The following DNAJB4 variants were observed in gnomAD, a reference collection of about 807,000 sequenced individuals.
The protein encoded by DNAJB4 is DnaJ heat shock protein family (Hsp40) member B4.
A neutral mutation model predicts 26.6 loss-of-function variants in DNAJB4; 10 were observed. The observed-to-expected ratio is 0.38, with a 90% CI of 0.23 to 0.64. The LOEUF (loss-of-function observed/expected upper bound fraction) is 0.64, where lower values mean the gene tolerates loss of function less well. Among genes scored for constraint, DNAJB4 ranks in the 30% least tolerant of loss-of-function variants. The pLI, the probability that DNAJB4 is intolerant of heterozygous loss-of-function variation, is 0.58. For missense variants in DNAJB4, 328 were observed against 408.2 expected (o/e 0.80, Z 1.69); for synonymous variants, 136 against 134.8 (o/e 1.01, Z -0.06).
rs72506830 is a variant in DNAJB4 at position 78,005,365 on chromosome 1, C to CT, written c.211+56dup. The CT allele has an allele frequency of 8.4e-3, 9,845 of 1,168,400 alleles. 9 individuals carry two copies. The highest frequency in any genetic ancestry group is 0.012 in the Admixed American group (267 of 23,174). 72.4% of individuals were successfully genotyped at this position (1,168,400 alleles called of 1,614,324 possible). A position where few individuals can be genotyped will look rare whatever the true frequency, so the allele number is the denominator to read the frequency against. On this transcript the variant is annotated intron_variant, in intron 1 of 2. Coordinates refer to ENST00000370763, the MANE Select transcript of DNAJB4 (RefSeq NM_007034.5). Reference sequence around the variant, plus strand: ...TCTTTCTGTCTCTTCAGCTCTGTCTCTTTTTTTTTTTTCTCTCTCTCTGCC... The same window carrying CT: ...TCTTTCTGTCTCTTCAGCTCTGTCTCTTTTTTTTTTTTTCTCTCTCTCTGCC...
At chr1:77,979,507 C>T (rs1046113107), upstream of DNAJB4, 9 of 154,754 alleles carry the variant, frequency 5.8e-5, no homozygotes, top group Admixed American at 2.0e-4. Flanking sequence ...GCAACAGTGT[C>T]TCGAGAGCGC....
At chr1:78,009,117 A>G (rs938999693) in intron 1 of DNAJB4, among the ~76,000 whole-genome samples, 19 of 151,968 alleles carry the variant, frequency 1.3e-4, no homozygotes, top group Non-Finnish European at 2.4e-4. Context: ...ATTTTTTTTA[A>G]TTCACTGTGT....
At chr1:78,012,353 G>A (rs1377707833) in intron 1 of DNAJB4, among the ~76,000 whole-genome samples, 3 of 151,014 alleles carry the variant, frequency 2.0e-5, no homozygotes, top group East Asian at 2.0e-4. Context: ...TAGTGGAGGC[G>A]GGGTTTCACT....
At chr1:78,013,695 C>T (rs973970756) in intron 2 of DNAJB4, 76 bp downstream of exon 2, 112 of 1,177,224 alleles carry the variant, frequency 9.5e-5, no homozygotes, top group Non-Finnish European at 1.3e-4. Context: ...TAGATAATAG[C>T]TAACATTTAT....
intron 1 of DNAJB4, among the ~76,000 whole-genome samples, chr1:77,989,927 C>G (rs895494932): frequency 6.6e-6 from 1 of 152,208 alleles, no homozygotes; most frequent in South Asian, 2.1e-4. Flanking sequence ...TGGTGGATAT[C>G]TCCTTATAGG....
chr1:78,015,504 CCT>C (rs778962738), intron 2 of DNAJB4, among the ~76,000 whole-genome samples: 12 of 128,890 alleles, frequency 9.3e-5, no homozygotes, highest in Admixed American at 2.4e-4. Flanking sequence ...AAGGAATTTT[CCT>C]TTTTTTCTTT....
chr1:78,004,377 T>C (rs147976723), upstream of DNAJB4: 12 of 152,368 alleles, frequency 7.9e-5, no homozygotes, highest in African/African-American at 2.9e-4. Context: ...CATTTGAATT[T>C]TATTATAGAT....
chr1:78,000,033 T>C (rs907256176), upstream of DNAJB4, among the ~76,000 whole-genome samples: 5 of 152,174 alleles, frequency 3.3e-5, no homozygotes, highest in Non-Finnish European at 7.4e-5. Context: ...GAATGCTACC[T>C]ATGGGAAGTT....
At chr1:77,990,019 A>C (rs1659894515) in intron 1 of DNAJB4, among the ~76,000 whole-genome samples, 2 of 152,170 alleles carry the variant, frequency 1.3e-5, no homozygotes, top group Non-Finnish European at 2.9e-5. Context: ...ATCACTGGCA[A>C]AGGAAATACT....
intron 1 of DNAJB4, among the ~76,000 whole-genome samples, chr1:78,011,672 C>CG (rs374887502): frequency 0.01 from 1,576 of 151,570 alleles, 26 homozygotes; most frequent in African/African-American, 0.037. Context: ...ATAGTAGAGA[C>CG]GGGGTTTCAC....
intron 1 of DNAJB4, among the ~76,000 whole-genome samples, chr1:77,987,204 C>T (rs760704467): frequency 6.6e-6 from 1 of 152,180 alleles, no homozygotes; most frequent in Non-Finnish European, 1.5e-5. Context: ...TGCCCTTTTA[C>T]CCTATCTATG....
At chr1:77,984,523 A>C (rs536759133) in intron 1 of DNAJB4, among the ~76,000 whole-genome samples, 1 of 152,290 alleles carries the variant, frequency 6.6e-6, no homozygotes, top group South Asian at 2.1e-4. Flanking sequence ...CTACCCTTTT[A>C]CACAAAACAT....
intron 1 of DNAJB4, among the ~76,000 whole-genome samples, chr1:77,990,770 A>T (rs1028120714): frequency 6.6e-6 from 1 of 152,220 alleles, no homozygotes; most frequent in Non-Finnish European, 1.5e-5. Context: ...TGGGCAAATT[A>T]TACAGATGCT....
Position 77,984,440 on chromosome 1 carries a change from A to ATTTC in DNAJB4, c.-32+4138_-32+4141dup, listed in dbSNP as rs374349155. On this transcript the variant is annotated intron_variant, in intron 1 of 2. Transcript: ENST00000426517. ...CTGAATCATGTTTTGGGGAATCTAT[A>ATTTC]TTTCTTTCTTTCTTTCTTTCTTTTT... Among the ~76,000 whole-genome samples, 817 of 152,134 alleles carry ATTTC rather than the reference A, an allele frequency of 5.4e-3. 7 individuals are homozygous for ATTTC. Among genetic ancestry groups the ATTTC allele is most frequent in the African/African-American group, 0.017 (685 of 41,506 alleles).
intron 1 of DNAJB4, among the ~76,000 whole-genome samples, chr1:77,997,337 AT>A (rs1446549904): frequency 8.1e-5 from 12 of 147,766 alleles, no homozygotes; most frequent in African/African-American, 2.8e-4. Context: ...AAAAAAATCT[AT>A]ATCTATATCT....
Position 78,010,204 on chromosome 1 carries a change from A to G in DNAJB4, c.212-2847A>G, listed in dbSNP as rs566716983. Among the ~76,000 whole-genome samples, 5 of 152,266 alleles carry G rather than the reference A, an allele frequency of 3.3e-5. No individual in the cohort carries two copies. In the South Asian group the frequency reaches 8.3e-4, roughly 25 times the overall value. The stretch of plus-strand genomic sequence containing the variant: ...TCATGAATTCATTATGGGTGCAAGT[A>G]TTTAAATTTTGTCTTATAAGAGGCT... On this transcript the variant is annotated intron_variant, in intron 1 of 2. Coordinates refer to ENST00000370763, the MANE Select transcript of DNAJB4 (RefSeq NM_007034.5).
At chr1:78,004,861 C>T (rs1257150730), upstream of DNAJB4, 4 of 480,440 alleles carry the variant, frequency 8.3e-6, no homozygotes, top group South Asian at 7.5e-5. Context: ...TACAGAGACA[C>T]GTAGTGAAAA....
chr1:77,990,746 C>G (rs868686534), intron 1 of DNAJB4, among the ~76,000 whole-genome samples: 1 of 152,248 alleles, frequency 6.6e-6, no homozygotes, highest in African/African-American at 2.4e-5. Flanking sequence ...TTCCTCTTCT[C>G]TACATCCAGC....
intron 1 of DNAJB4, among the ~76,000 whole-genome samples, chr1:77,987,614 C>T (rs997334493): frequency 2.6e-5 from 4 of 152,078 alleles, no homozygotes; most frequent in African/African-American, 4.8e-5. Flanking sequence ...CCCTTCTCCC[C>T]TCTCTATTTT....
Sources: allele counts gnomAD v4.1 joint callset (sites outside exome capture counted in the v4.1 genomes callset), GRCh38; gene constraint gnomAD v4.1.1; transcripts MANE v1.5; gene names NCBI Gene and HGNC (gene_info 2026-07-23, HGNC 2026-07-21).